The following SLC22A5 variants were observed in gnomAD, a reference collection of about 807,000 sequenced individuals.
The protein encoded by SLC22A5 is organic cation/carnitine transporter 2.
SLC22A5 carries 44 observed loss-of-function variants against 56.7 expected under a neutral mutation model. The ratio of observed to expected loss-of-function variants is 0.78; its 90% CI spans 0.61 to 1.00. SLC22A5 has a LOEUF of 1.00. SLC22A5 is among the 50% of genes least tolerant of loss of function. SLC22A5 has a pLI of 0.00. For synonymous variants in SLC22A5, 278 were observed against 292.1 expected (o/e 0.95, Z 0.49); for missense variants, 675 against 723.0 (o/e 0.93, Z 0.76).
chr5:132,394,453 C>T lies in SLC22A5; in HGVS notation c.*181C>T. 1.6e-6 allele frequency: 1 copy of T among 641,464 alleles called. No homozygotes were observed. Among genetic ancestry groups the T allele is most frequent in the Non-Finnish European group, 2.8e-6 (1 of 355,800 alleles). The allele number at this position is 641,464 out of a possible 1,614,324, so 39.7% of individuals were successfully genotyped here. On this transcript the variant is annotated 3_prime_UTR_variant, in exon 10 of 10. Transcript: ENST00000245407. ...GAGGCTACATATGGCCCTAGAGCAC[C>T]ACCTTCCTCTAGGGACACTGGGGCT... is the stretch of plus-strand genomic sequence containing the variant.
chr5:132,384,525 G>A (rs891343082), intron 3 of SLC22A5, among the ~76,000 whole-genome samples: 1 of 152,196 alleles, frequency 6.6e-6, no homozygotes, highest in Non-Finnish European at 1.5e-5. Context: ...CTGATTTCCA[G>A]TTCTTTTCTG....
chr5:132,389,000 C>T lies in SLC22A5; in HGVS notation c.1031C>T (p.Thr344Ile). ...LLRTWNIRMV[T>I]IMSIMLWMTI... Reference sequence around the variant, plus strand: ...CGAACCTGGAATATCCGGATGGTCACCATCATGTCCATAATGCTGTGGTAT... The same window carrying T: ...CGAACCTGGAATATCCGGATGGTCATCATCATGTCCATAATGCTGTGGTAT... Residue 344 changes from threonine (T) to isoleucine (I), a missense_variant, in exon 6 of 10, where the codon ACC becomes ATC. By Grantham distance (89) the Thr-to-Ile change is moderately conservative. Coordinates refer to ENST00000245407, the MANE Select transcript of SLC22A5 (RefSeq NM_003060.4). 2 of 1,612,082 alleles carry T rather than the reference C, an allele frequency of 1.2e-6. No individual in the cohort carries two copies. Among genetic ancestry groups the T allele is most frequent in the Non-Finnish European group, 1.7e-6 (2 of 1,178,104 alleles).
chr5:132,375,177 C>T (rs571145439), intron 1 of SLC22A5, among the ~76,000 whole-genome samples: 68 of 152,296 alleles, frequency 4.5e-4, no homozygotes, highest in African/African-American at 1.3e-3. Flanking sequence ...TTTTATTTAT[C>T]GATTCATTCA....
chr5:132,370,159 C>G lies in SLC22A5; in HGVS notation c.187C>G (p.Arg63Gly), dbSNP rs1297367229. The G allele has an allele frequency of 1.9e-6, 3 of 1,607,814 alleles. No individual in the cohort carries two copies. Among genetic ancestry groups the G allele is most frequent in the Non-Finnish European group, 2.5e-6 (3 of 1,177,548 alleles). ...PDAANLSSAW[R>G]NHTVPLRLRD... ...CGCCGCGAACCTGAGCAGCGCCTGG[C>G]GCAACCACACTGTCCCACTGCGGCT... The change falls in exon 1 of 10, where the codon CGC (arginine) becomes GGC (glycine). Residue 63 changes from arginine to glycine, a missense_variant. Coordinates refer to ENST00000245407, the MANE Select transcript of SLC22A5 (RefSeq NM_003060.4).
chr5:132,378,369 A>G lies in SLC22A5; in HGVS notation c.394-9A>G. The G allele has an allele frequency of 6.2e-7, 1 of 1,613,876 alleles. No homozygotes were observed. The highest frequency in any genetic ancestry group is 8.5e-7 in the Non-Finnish European group (1 of 1,179,728). The stretch of plus-strand genomic sequence containing the variant: ...AGTGAATGATACACCCCCTTTGCTC[A>G]TCTTGCAGTGGAACCTGGTGTGTGA... On this transcript the variant is annotated splice_polypyrimidine_tract_variant and intron_variant, in intron 1 of 9. Coordinates refer to ENST00000245407, the MANE Select transcript of SLC22A5 (RefSeq NM_003060.4).
In SLC22A5 at chr5:132,370,037, T is replaced by G. The variant is rs1303203857; in HGVS notation, c.65T>G (p.Phe22Cys). The G allele has an allele frequency of 1.9e-6, 3 of 1,613,428 alleles. No individual in the cohort carries two copies. Among genetic ancestry groups the G allele is most frequent in the Non-Finnish European group, 2.5e-6 (3 of 1,179,738 alleles). The change falls in exon 1 of 10, where the codon TTC (phenylalanine) becomes TGC (cysteine). Residue 22 changes from phenylalanine (F) to cysteine (C), a missense_variant. Physicochemically the swap from Phe to Cys is radical, Grantham distance 205 (BLOSUM62 -2). Coordinates refer to ENST00000245407, the MANE Select transcript of SLC22A5 (RefSeq NM_003060.4). The stretch of plus-strand genomic sequence containing the variant: ...TGGGGGCCCTTCCAGCGCCTCATCT[T>G]CTTCCTGCTCAGCGCCAGCATCATC... Reference protein sequence around the residue: ...GEWGPFQRLIFFLLSASIIPN... With the variant: ...GEWGPFQRLICFLLSASIIPN...
Position 132,384,143 on chromosome 5 carries a change from C to A in SLC22A5, c.498-4C>A, listed in dbSNP as rs778593047. On this transcript the variant is annotated splice_polypyrimidine_tract_variant and splice_region_variant and intron_variant, in intron 2 of 9. Coordinates refer to ENST00000245407, the MANE Select transcript of SLC22A5 (RefSeq NM_003060.4). ...GTTATCTGTCACTCTCCTTTTCTTCCCAGGTTTGGCCGGAAGAATGTGCTG... is the reference window on the plus strand; with the variant it reads ...GTTATCTGTCACTCTCCTTTTCTTCACAGGTTTGGCCGGAAGAATGTGCTG... 3.7e-6 allele frequency: 6 copies of A among 1,614,050 alleles called. No homozygotes were observed. Among genetic ancestry groups the A allele is most frequent in the Non-Finnish European group, 4.2e-6 (5 of 1,180,030 alleles).
At position 132,385,326 on chromosome 5, in the gene SLC22A5, A is replaced by C. The variant is rs386134201; in HGVS notation, c.653-2A>C. 2 of 1,613,802 alleles carry C rather than the reference A, an allele frequency of 1.2e-6. No individual in the cohort carries two copies. The highest frequency in any genetic ancestry group is 8.5e-7 in the Non-Finnish European group (1 of 1,179,880). ...TAACTCGACCTCCCTTGTTTTGAAC[A>C]GGGACAGAAATTCTTGGCAAGTCAG... On this transcript the variant is annotated splice_acceptor_variant, in intron 3 of 9. Transcript: ENST00000245407. LOFTEE classifies it high-confidence loss of function.
At chr5:132,393,616 A>C in intron 8 of SLC22A5, 60 bp from the exon 9 acceptor site, 1 of 1,598,252 alleles carries the variant, frequency 6.3e-7, no homozygotes, top group South Asian at 1.1e-5. Context: ...ATAAAGGGGT[A>C]GATGAGAGAC....
At chr5:132,386,982 G>A (rs1160695697) in intron 4 of SLC22A5, 43 bp from the exon 5 acceptor site, 6 of 1,611,832 alleles carry the variant, frequency 3.7e-6, no homozygotes, top group South Asian at 2.2e-5. Flanking sequence ...TGGGTCTGCT[G>A]TTGGCAGGGA....
intron 5 of SLC22A5, 102 bp downstream of exon 5, chr5:132,387,253 T>G: frequency 6.9e-7 from 1 of 1,439,414 alleles, no homozygotes. Flanking sequence ...AGCCCAGCCC[T>G]CTCTCCGCCC....
intron 2 of SLC22A5, 52 bp downstream of exon 2, chr5:132,378,533 G>C (rs750276112): frequency 7.7e-7 from 1 of 1,302,474 alleles, no homozygotes; most frequent in East Asian, 2.3e-5. Context: ...TGAGGAAGAA[G>C]CGTGTGCCTG....
At chr5:132,371,216 C>A (rs1751915328) in intron 1 of SLC22A5, among the ~76,000 whole-genome samples, 1 of 152,084 alleles carries the variant, frequency 6.6e-6, no homozygotes, top group African/African-American at 2.4e-5. Context: ...CTGCCTGCTT[C>A]TGCCTCCAAA....
At chr5:132,378,646 C>A in intron 2 of SLC22A5, 165 bp downstream of exon 2, 1 of 642,414 alleles carries the variant, frequency 1.6e-6, no homozygotes, top group South Asian at 1.7e-5. Context: ...GTAAGAAGAG[C>A]CAACAAATCT....
Position 132,369,733 on chromosome 5 carries a change from T to C in SLC22A5, c.-240T>C, listed in dbSNP as rs1158829842. The C allele has an allele frequency of 2.1e-6, 1 of 472,754 alleles. No homozygotes were observed. Among genetic ancestry groups the C allele is most frequent in the Non-Finnish European group, 3.6e-6 (1 of 280,052 alleles). The allele number at this position is 472,754 out of a possible 1,614,324, so 29.3% of individuals were successfully genotyped here. ...CCGCCTTCGCCGGCGCCGCTCTGCC[T>C]GCCAGCGGGGCGCGCCTTGCGGCCC... On this transcript the variant is annotated 5_prime_UTR_variant, in exon 1 of 10. Coordinates refer to ENST00000245407, the MANE Select transcript of SLC22A5 (RefSeq NM_003060.4).
chr5:132,370,323 G>A lies in SLC22A5; in HGVS notation c.351G>A (p.Trp117Ter). 3.1e-6 allele frequency: 5 copies of A among 1,612,024 alleles called. No individual in the cohort carries two copies. Among genetic ancestry groups the A allele is most frequent in the Non-Finnish European group, 4.2e-6 (5 of 1,179,618 alleles). The change falls in exon 1 of 10, where the codon TGG becomes TGA. Residue 117 changes from tryptophan to a stop codon, truncating the protein, a stop_gained. Coordinates refer to ENST00000245407, the MANE Select transcript of SLC22A5 (RefSeq NM_003060.4). LOFTEE classifies it high-confidence loss of function. ...AGCAGGAGAGCTGTCTGGATGGCTG[G>A]GAGTTCAGTCAGGACGTCTACCTGT... Reference protein sequence around the residue: ...QLEQESCLDGWEFSQDVYLST... With the variant: ...QLEQESCLDG
At position 132,385,483 on chromosome 5, in the gene SLC22A5, T is replaced by A; in HGVS notation, c.808T>A (p.Cys270Ser). ...LVALTMPGVL[C>S]VALWWFIPES... is the part of the protein sequence containing the mutation. Reference sequence around the variant, plus strand: ...GGCGCTGACGATGCCGGGGGTGCTATGCGTGGCACTCTGGTGGTGAGTGTG... The same window carrying A: ...GGCGCTGACGATGCCGGGGGTGCTAAGCGTGGCACTCTGGTGGTGAGTGTG... The change falls in exon 4 of 10, where the codon TGC (cysteine) becomes AGC (serine). Residue 270 changes from cysteine (C) to serine (S), a missense_variant. Cys to Ser is a moderately radical substitution (Grantham distance 112, BLOSUM62 -1). Transcript: ENST00000245407. 5 of 1,614,166 alleles carry A rather than the reference T, an allele frequency of 3.1e-6. No individual in the cohort carries two copies. Among genetic ancestry groups the A allele is most frequent in the Non-Finnish European group, 4.2e-6 (5 of 1,180,002 alleles).
rs1752810297 is a variant in SLC22A5 at position 132,394,385 on chromosome 5, T to G, written c.*113T>G. Reference sequence around the variant, plus strand: ...CAAAAGGCCTTTGCTGTTTGTCCTCTTGACCTGTGTCTGACTTGCTCCTGG... The same window carrying G: ...CAAAAGGCCTTTGCTGTTTGTCCTCGTGACCTGTGTCTGACTTGCTCCTGG... On this transcript the variant is annotated 3_prime_UTR_variant, in exon 10 of 10. Coordinates refer to ENST00000245407, the MANE Select transcript of SLC22A5 (RefSeq NM_003060.4). The G allele has an allele frequency of 2.4e-6, 2 of 850,376 alleles. No individual in the cohort carries two copies. The highest frequency in any genetic ancestry group is 4.8e-5 in the East Asian group (2 of 41,408). The allele number at this position is 850,376 out of a possible 1,614,324, so 52.7% of individuals were successfully genotyped here.
At chr5:132,378,942 A>G (rs1347426792) in intron 2 of SLC22A5, 1 of 202,314 alleles carries the variant, frequency 4.9e-6, no homozygotes, top group East Asian at 1.1e-4. Flanking sequence ...CTCACCAGCC[A>G]CTAGTGGTAT....
Sources: allele counts gnomAD v4.1 joint callset (sites outside exome capture counted in the v4.1 genomes callset), GRCh38; gene constraint gnomAD v4.1.1; transcripts MANE v1.5; gene names NCBI Gene and HGNC (gene_info 2026-07-23, HGNC 2026-07-21).